Variants in NELL2 observed in about 807,000 individuals in gnomAD.
NELL2 encodes protein kinase C-binding protein NELL2.
A neutral mutation model predicts 109.6 loss-of-function variants in NELL2; 41 were observed. The ratio of observed to expected loss-of-function variants is 0.37; its 90% CI spans 0.29 to 0.49. The LOEUF is 0.49. Ranked by LOEUF, NELL2 falls within the 20% of genes least tolerant of loss-of-function variation. The pLI is 0.98. For synonymous variants in NELL2, 355 were observed against 344.7 expected (o/e 1.03, Z -0.33); for missense variants, 900 against 1,008.3 (o/e 0.89, Z 1.45).
intron 17 of NELL2, 91 bp downstream of exon 17, chr12:44,523,200 A>G (rs1941615942): frequency 8.1e-7 from 1 of 1,228,460 alleles, no homozygotes. Flanking sequence ...GGATGTACAC[A>G]TTGTCAAAAC....
intron 2 of NELL2, among the ~76,000 whole-genome samples, chr12:44,842,157 C>T (rs1029650656): frequency 5.5e-5 from 6 of 108,576 alleles, no homozygotes; most frequent in South Asian, 6.0e-4. Flanking sequence ...AAGGAAGAGA[C>T]GAAAGGGAAG....
At chr12:44,556,882 T>C (rs1391080704) in intron 15 of NELL2, among the ~76,000 whole-genome samples, 2 of 152,148 alleles carry the variant, frequency 1.3e-5, no homozygotes, top group Non-Finnish European at 2.9e-5. Flanking sequence ...AGTGATTCAA[T>C]GTGGCAGGTG....
intron 11 of NELL2, among the ~76,000 whole-genome samples, chr12:44,705,968 T>G (rs1355167817): frequency 6.6e-6 from 1 of 152,186 alleles, no homozygotes; most frequent in Non-Finnish European, 1.5e-5. Flanking sequence ...ATATTATCTA[T>G]GCCATATGTG....
intron 15 of NELL2, among the ~76,000 whole-genome samples, chr12:44,563,778 A>C (rs1255821993): frequency 6.6e-6 from 1 of 152,176 alleles, no homozygotes; most frequent in Admixed American, 6.5e-5. Context: ...GCCTTTTCTA[A>C]TTTTAGACTT....
intron 12 of NELL2, among the ~76,000 whole-genome samples, chr12:44,687,807 A>T (rs1186188447): frequency 1.3e-5 from 2 of 152,252 alleles, no homozygotes; most frequent in African/African-American, 2.4e-5. Flanking sequence ...TAAATCAATT[A>T]GATTTTTTAA....
At chr12:44,775,193 A>G (rs1330940365) in intron 8 of NELL2, among the ~76,000 whole-genome samples, 2 of 152,186 alleles carry the variant, frequency 1.3e-5, no homozygotes, top group African/African-American at 4.8e-5. Flanking sequence ...GTTCCTGAAT[A>G]AAAACTGTAT....
chr12:44,702,702 T>G (rs996760425), intron 12 of NELL2, among the ~76,000 whole-genome samples: 4 of 152,200 alleles, frequency 2.6e-5, no homozygotes, highest in African/African-American at 9.6e-5. Flanking sequence ...AAGCCATATT[T>G]CTTTTCTTCT....
At chr12:44,913,258 A>G (rs890309819) in intron 1 of NELL2, among the ~76,000 whole-genome samples, 2 of 152,116 alleles carry the variant, frequency 1.3e-5, no homozygotes, top group Admixed American at 1.3e-4. Context: ...TGAAACATCA[A>G]TCTTTACCCT....
At chr12:44,662,271 T>A (rs1947771546) in intron 13 of NELL2, among the ~76,000 whole-genome samples, 1 of 152,170 alleles carries the variant, frequency 6.6e-6, no homozygotes, top group Non-Finnish European at 1.5e-5. Flanking sequence ...TTGAAGCTAA[T>A]TAACTGAAAT....
chr12:44,527,303 T>C (rs186790639), intron 16 of NELL2, among the ~76,000 whole-genome samples: 187 of 152,244 alleles, frequency 1.2e-3, no homozygotes, highest in South Asian at 2.9e-3. Context: ...TGGGCATAAA[T>C]ATATTTATGT....
Position 44,777,315 on chromosome 12 carries a change from C to A in NELL2, c.607-1G>T. 6.2e-7 allele frequency: 1 copy of A among 1,612,236 alleles called. No individual in the cohort carries two copies. The highest frequency in any genetic ancestry group is 1.1e-5 in the South Asian group (1 of 91,008). On this transcript the variant is annotated splice_acceptor_variant, in intron 5 of 19. Coordinates refer to ENST00000429094, the MANE Select transcript of NELL2 (RefSeq NM_001145108.2). LOFTEE classifies it high-confidence loss of function. ...GTAATTGGACATCTTGCATTATACC[C>A]TGTGTGTGAAAAATAGAAAAAAAAG...
intron 2 of NELL2, among the ~76,000 whole-genome samples, chr12:44,836,371 G>C (rs536349079): frequency 5.9e-5 from 9 of 152,330 alleles, no homozygotes; most frequent in African/African-American, 2.2e-4. Context: ...GCCTAGAACT[G>C]CTGACATAGG....
At chr12:44,651,937 C>T (rs1337934116) in intron 13 of NELL2, among the ~76,000 whole-genome samples, 2 of 152,058 alleles carry the variant, frequency 1.3e-5, no homozygotes, top group Non-Finnish European at 2.9e-5. Flanking sequence ...TGAGGTACGG[C>T]AATGCAGATC....
chr12:44,582,239 G>C (rs1031973892), intron 15 of NELL2, among the ~76,000 whole-genome samples: 1 of 152,114 alleles, frequency 6.6e-6, no homozygotes, highest in African/African-American at 2.4e-5. Flanking sequence ...AGCTCTGCTT[G>C]CCCTTTTGAG....
chr12:44,675,057 T>C (rs974422684), intron 12 of NELL2, among the ~76,000 whole-genome samples: 6 of 152,176 alleles, frequency 3.9e-5, no homozygotes, highest in African/African-American at 1.4e-4. Context: ...TTTACAATGG[T>C]CTGATGTGAA....
intron 9 of NELL2, among the ~76,000 whole-genome samples, chr12:44,768,675 C>T (rs1201442526): frequency 6.6e-6 from 1 of 152,158 alleles, no homozygotes; most frequent in Non-Finnish European, 1.5e-5. Context: ...TCCTTATTCA[C>T]TACAGACTTT....
At chr12:44,703,279 C>A (rs1377097951) in intron 12 of NELL2, among the ~76,000 whole-genome samples, 1 of 152,126 alleles carries the variant, frequency 6.6e-6, no homozygotes, top group East Asian at 1.9e-4. Context: ...CTAAATACTA[C>A]AGAGCATGAA....
At chr12:44,676,721 T>TA (rs1188751448) in intron 12 of NELL2, among the ~76,000 whole-genome samples, 2 of 151,870 alleles carry the variant, frequency 1.3e-5, no homozygotes, top group African/African-American at 2.4e-5. Context: ...ATTCCTGAAT[T>TA]AAAAAAAATA....
chr12:44,613,748 A>G (rs1475824346), intron 13 of NELL2, among the ~76,000 whole-genome samples: 1 of 152,094 alleles, frequency 6.6e-6, no homozygotes, highest in Non-Finnish European at 1.5e-5. Context: ...CTTCACAAAA[A>G]CAGAATATAA....
Sources: allele counts gnomAD v4.1 joint callset (sites outside exome capture counted in the v4.1 genomes callset), GRCh38; gene constraint gnomAD v4.1.1; transcripts MANE v1.5; gene names NCBI Gene and HGNC (gene_info 2026-07-23, HGNC 2026-07-21).